Variants in PIAS1 observed in about 807,000 individuals in gnomAD.
The protein encoded by PIAS1 is E3 SUMO-protein ligase PIAS1.
A neutral mutation model predicts 71.3 loss-of-function variants in PIAS1; 6 were observed. The ratio of observed to expected loss-of-function variants is 0.08; its 90% CI spans 0.05 to 0.17. The LOEUF (loss-of-function observed/expected upper bound fraction) is 0.17. PIAS1 is among the 10% of genes least tolerant of loss of function. The probability of loss-of-function intolerance (pLI) is 1.00; values close to 1 mark genes in which losing one functional copy is unlikely to be tolerated. For synonymous variants in PIAS1, 303 were observed against 292.9 expected (o/e 1.03, Z -0.35); for missense variants, 555 against 793.6 (o/e 0.70, Z 3.61).
intron 1 of PIAS1, among the ~76,000 whole-genome samples, chr15:68,073,489 G>A (rs1244264063): frequency 6.6e-6 from 1 of 152,142 alleles, no homozygotes; most frequent in African/African-American, 2.4e-5. Context: ...TCTACATATG[G>A]CATAAGAGCG....
At chr15:68,057,795 G>T (rs1048446129) in intron 1 of PIAS1, among the ~76,000 whole-genome samples, 2 of 152,266 alleles carry the variant, frequency 1.3e-5, no homozygotes, top group South Asian at 2.1e-4. Context: ...TTTATCAACA[G>T]TATTTTAAAA....
chr15:68,182,054 A>G (rs551324502), intron 12 of PIAS1, among the ~76,000 whole-genome samples: 4 of 152,318 alleles, frequency 2.6e-5, no homozygotes, highest in African/African-American at 9.6e-5. Flanking sequence ...TGTTTTAGAT[A>G]ATGGTGAGTT....
intron 2 of PIAS1, among the ~76,000 whole-genome samples, chr15:68,124,933 T>C (rs2092639787): frequency 6.6e-6 from 1 of 152,200 alleles, no homozygotes; most frequent in Non-Finnish European, 1.5e-5. Context: ...TTAGGCATTG[T>C]ATATTGATTT....
intron 6 of PIAS1, among the ~76,000 whole-genome samples, chr15:68,147,160 C>T (rs2092813427): frequency 6.6e-6 from 1 of 152,164 alleles, no homozygotes; most frequent in Non-Finnish European, 1.5e-5. Flanking sequence ...AAAGAGCCTA[C>T]AGAATTTTAA....
chr15:68,137,808 A>G (rs898144914), intron 2 of PIAS1, among the ~76,000 whole-genome samples: 5 of 152,226 alleles, frequency 3.3e-5, no homozygotes, highest in African/African-American at 1.2e-4. Context: ...CTGGAAGAAT[A>G]TATCAATCAA....
chr15:68,099,386 T>TGAGTAG (rs1420981058), intron 2 of PIAS1, among the ~76,000 whole-genome samples: 5 of 151,856 alleles, frequency 3.3e-5, no homozygotes, highest in Non-Finnish European at 5.9e-5. Context: ...TGACTACTTT[T>TGAGTAG]TCCATTGTGA....
chr15:68,117,305 C>T (rs1595738306), intron 2 of PIAS1, among the ~76,000 whole-genome samples: 1 of 152,118 alleles, frequency 6.6e-6, no homozygotes, highest in Admixed American at 6.5e-5. Flanking sequence ...AGGCTGGTCT[C>T]GAACTCCTGA....
intron 2 of PIAS1, among the ~76,000 whole-genome samples, chr15:68,099,784 A>C (rs964659443): frequency 6.6e-6 from 1 of 151,756 alleles, no homozygotes; most frequent in African/African-American, 2.4e-5. Flanking sequence ...CTTTGCCAGC[A>C]TATTTGTTAT....
chr15:68,181,209 C>T lies in PIAS1; in HGVS notation c.1482-3C>T. The T allele has an allele frequency of 1.2e-6, 2 of 1,612,462 alleles. No homozygotes were observed. Among genetic ancestry groups the T allele is most frequent in the Non-Finnish European group, 1.7e-6 (2 of 1,179,078 alleles). Reference sequence around the variant, plus strand: ...AAACTATGCCAATCTTTCCTTCTTCCAGCATTTTAAGTCTTCCACATCAAG... The same window carrying T: ...AAACTATGCCAATCTTTCCTTCTTCTAGCATTTTAAGTCTTCCACATCAAG... On this transcript the variant is annotated splice_region_variant and splice_polypyrimidine_tract_variant and intron_variant, in intron 11 of 13. Coordinates refer to ENST00000249636, the MANE Select transcript of PIAS1 (RefSeq NM_016166.3).
Position 68,167,467 on chromosome 15 carries a change from G to A in PIAS1, c.1008+2663G>A, listed in dbSNP as rs1226972799. On this transcript the variant is annotated intron_variant, in intron 8 of 13. Coordinates refer to ENST00000249636, the MANE Select transcript of PIAS1 (RefSeq NM_016166.3). The surrounding 1 kb of genome is among the most constrained non-coding windows in gnomAD (Gnocchi z 4.4). ...GATGTACAGAGCTCAAAATAAATGA[G>A]TTTCTTTTGTTTCTGTGCCATTTAG... Among the ~76,000 whole-genome samples the A allele has an allele frequency of 6.6e-6, 1 of 152,012 alleles. No homozygotes were observed. The highest frequency in any genetic ancestry group is 2.4e-5 in the African/African-American group (1 of 41,388).
intron 2 of PIAS1, among the ~76,000 whole-genome samples, chr15:68,106,112 C>T (rs2092466264): frequency 6.6e-6 from 1 of 152,144 alleles, no homozygotes; most frequent in Non-Finnish European, 1.5e-5. Context: ...AAAGGTGATA[C>T]TTCCTCTTCC....
At chr15:68,068,983 C>T (rs948541790) in intron 1 of PIAS1, among the ~76,000 whole-genome samples, 4 of 151,278 alleles carry the variant, frequency 2.6e-5, no homozygotes. Context: ...GCAACCTCCA[C>T]CTCCTGGGTT....
At chr15:68,107,939 A>G (rs563939822) in intron 2 of PIAS1, among the ~76,000 whole-genome samples, 94 of 152,196 alleles carry the variant, frequency 6.2e-4, no homozygotes, top group Non-Finnish European at 1.2e-3. Context: ...CTATTAACTA[A>G]TCTTGTACAA....
intron 11 of PIAS1, among the ~76,000 whole-genome samples, chr15:68,180,826 A>G (rs552096548): frequency 7.9e-5 from 12 of 152,336 alleles, no homozygotes; most frequent in Middle Eastern, 3.4e-3. Flanking sequence ...TTAATAGCCA[A>G]TACTCTGGTG....
chr15:68,193,379 CTG>C lies in PIAS1; in HGVS notation c.*5548_*5549del, dbSNP rs1029199036. 6.6e-5 allele frequency: 10 copies of C among 152,400 alleles called. No individual in the cohort carries two copies. Among genetic ancestry groups the C allele is most frequent in the East Asian group, 1.9e-4 (1 of 5,210 alleles). The allele number at this position is 152,400 out of a possible 1,614,324, so 9.4% of individuals were successfully genotyped here. A position where few individuals can be genotyped will look rare whatever the true frequency, so the allele number is the denominator to read the frequency against. ...CACTCTAGTGTTTTCACTCTACACT[CTG>C]TGTTTATGAATGAATAGCCTGAGCT... On this transcript the variant is annotated 3_prime_UTR_variant, in exon 14 of 14. Coordinates refer to ENST00000249636, the MANE Select transcript of PIAS1 (RefSeq NM_016166.3).
intron 7 of PIAS1, among the ~76,000 whole-genome samples, chr15:68,160,474 A>C (rs1028867263): frequency 2.0e-5 from 3 of 152,152 alleles, no homozygotes; most frequent in African/African-American, 7.2e-5. Context: ...CTGTATGTCT[A>C]TCCTTATGCC....
At chr15:68,177,470 T>C (rs898637928) in intron 11 of PIAS1, among the ~76,000 whole-genome samples, 1 of 152,108 alleles carries the variant, frequency 6.6e-6, no homozygotes, top group African/African-American at 2.4e-5. Context: ...AGAATGTGAA[T>C]GAGGCTGGTA....
intron 2 of PIAS1, among the ~76,000 whole-genome samples, chr15:68,117,468 A>G (rs769123397): frequency 5.3e-5 from 8 of 152,194 alleles, no homozygotes; most frequent in South Asian, 2.1e-4. Context: ...GAATTTATCT[A>G]TCTAACTGTA....
chr15:68,158,800 T>C lies in PIAS1; in HGVS notation c.934+5105T>C, dbSNP rs116904716. On this transcript the variant is annotated intron_variant, in intron 7 of 13. Transcript: ENST00000249636. ...TGATATTAATGAAGGATAGAAATTA[T>C]CTTGAAATAATAACAACCCCAGAAC... Among the ~76,000 whole-genome samples, 928 of 152,254 alleles carry C rather than the reference T, an allele frequency of 6.1e-3. 4 individuals carry two copies. The highest frequency in any genetic ancestry group is 0.032 in the East Asian group (168 of 5,182).
Sources: allele counts gnomAD v4.1 joint callset (sites outside exome capture counted in the v4.1 genomes callset), GRCh38; gene constraint gnomAD v4.1.1; non-coding constraint Gnocchi (gnomAD v3.1); transcripts MANE v1.5; gene names NCBI Gene and HGNC (gene_info 2026-07-23, HGNC 2026-07-21).